LHX6: variants seen among roughly 807,000 people sequenced by gnomAD.
LHX6 encodes the protein LIM/homeobox protein Lhx6.
In LHX6, 15 loss-of-function variants were observed where a neutral mutation model predicts 47.1. The observed-to-expected ratio is 0.32, with a 90% CI of 0.21 to 0.49. The LOEUF is 0.49. Ranked by LOEUF, LHX6 falls within the 20% of genes least tolerant of loss-of-function variation. LHX6 has a pLI of 0.99. For synonymous variants in LHX6, 242 were observed against 233.5 expected (o/e 1.04, Z -0.33); for missense variants, 404 against 539.6 (o/e 0.75, Z 2.49).
At chr9:122,216,924 C>CCGGAA (rs1830613351) in intron 5 of LHX6, 144 bp downstream of exon 5, 1 of 658,364 alleles carries the variant, frequency 1.5e-6, no homozygotes, top group South Asian at 1.9e-5. Context: ...AAGATCTGTT[C>CCGGAA]GCCGCCCCAC....
chr9:122,205,664 A>C (rs1830149303), intron 9 of LHX6, among the ~76,000 whole-genome samples: 1 of 152,156 alleles, frequency 6.6e-6, no homozygotes, highest in Non-Finnish European at 1.5e-5. Context: ...GAGGTGATGG[A>C]GGAAAGCAAT....
rs1021478443 is a variant in LHX6, at chr9:122,217,335, C to T, written c.462-47G>A. 8.0e-6 allele frequency: 12 copies of T among 1,495,750 alleles called. No individual in the cohort carries two copies. In the African/African-American group the frequency reaches 8.2e-5, roughly 10 times the overall value. The allele number at this position is 1,495,750 out of a possible 1,614,324, so 92.7% of individuals were successfully genotyped here. On this transcript the variant is annotated intron_variant, in intron 4 of 9. Transcript: ENST00000394319. This position sits in a 1 kb window ranked among gnomAD's most constrained non-coding sequence, Gnocchi z 4.9. ...ACGGGGTGTCGAGACTCAGACAGGC[C>T]AACCTTCCTCCTTCCACCACCCAAT...
At chr9:122,221,872 G>A (rs1300655536) in intron 4 of LHX6, 2 of 235,624 alleles carry the variant, frequency 8.5e-6, no homozygotes, top group African/African-American at 2.3e-5. Flanking sequence ...TTAGGGGCAG[G>A]GATGGCGGAG....
intron 4 of LHX6, among the ~76,000 whole-genome samples, chr9:122,225,414 C>A (rs1179047306): frequency 3.3e-5 from 5 of 152,270 alleles, no homozygotes; most frequent in African/African-American, 4.8e-5. Flanking sequence ...CATGACCCTG[C>A]AGTGACCTCG....
chr9:122,219,373 G>A (rs886806971), intron 4 of LHX6, among the ~76,000 whole-genome samples: 3 of 152,210 alleles, frequency 2.0e-5, no homozygotes, highest in African/African-American at 7.2e-5. Flanking sequence ...CGGAAACGCG[G>A]CTTCCCCAGC....
intron 8 of LHX6, among the ~76,000 whole-genome samples, 187 bp from the exon 9 acceptor site, chr9:122,209,904 C>T (rs1366378215): frequency 1.3e-5 from 2 of 151,310 alleles, no homozygotes; most frequent in Non-Finnish European, 1.5e-5. Flanking sequence ...GAGACGGAGT[C>T]TCACCTTGTC....
intron 4 of LHX6, chr9:122,221,120 G>C (rs903696289): frequency 1.0e-6 from 1 of 985,332 alleles, no homozygotes; most frequent in African/African-American, 1.7e-5. Flanking sequence ...CTTCTTGAAG[G>C]CTTTAGATCC....
chr9:122,228,627 G>T, intron 1 of LHX6, 30 bp downstream of exon 1: 2 of 1,305,114 alleles, frequency 1.5e-6, no homozygotes, highest in Non-Finnish European at 1.9e-6. Context: ...CCCCGGCCCG[G>T]GCCGCTCACC....
At chr9:122,228,499 G>A (rs1402602720) in intron 1 of LHX6, 158 bp downstream of exon 1, 17 of 1,135,448 alleles carry the variant, frequency 1.5e-5, no homozygotes, top group Non-Finnish European at 1.9e-5. Flanking sequence ...CCCCCCCCCC[G>A]CTCGCGCGCG....
At chr9:122,222,286 A>T (rs1830894646) in intron 4 of LHX6, among the ~76,000 whole-genome samples, 1 of 152,178 alleles carries the variant, frequency 6.6e-6, no homozygotes, top group Non-Finnish European at 1.5e-5. Context: ...GGGAAATGTG[A>T]ATGTCCCGGA....
At chr9:122,222,079 C>A (rs1440728139) in intron 4 of LHX6, among the ~76,000 whole-genome samples, 3 of 152,214 alleles carry the variant, frequency 2.0e-5, no homozygotes, top group Non-Finnish European at 2.9e-5. Context: ...TAGACAAGAA[C>A]TCCATACGTT....
intron 4 of LHX6, chr9:122,221,440 T>C: frequency 1.0e-6 from 1 of 985,362 alleles, no homozygotes. Flanking sequence ...GGTAGGCTTC[T>C]CCCGCTGGAG....
At chr9:122,225,490 G>A (rs553065221) in intron 4 of LHX6, among the ~76,000 whole-genome samples, 4 of 152,372 alleles carry the variant, frequency 2.6e-5, no homozygotes, top group East Asian at 1.9e-4. Flanking sequence ...TGGCCAAGAC[G>A]CGGCAGGACA....
At chr9:122,222,147 T>A (rs1190265243) in intron 4 of LHX6, among the ~76,000 whole-genome samples, 5 of 152,156 alleles carry the variant, frequency 3.3e-5, no homozygotes, top group Non-Finnish European at 5.9e-5. Context: ...GACATTAGTC[T>A]CCCCAACTAT....
rs576733344 is a variant in LHX6, at chr9:122,217,476, T to G, written c.462-188A>C. 2.9e-4 allele frequency among the ~76,000 whole-genome samples: 44 copies of G among 152,354 alleles called. 1 individual carries two copies. Among genetic ancestry groups the G allele is most frequent in the South Asian group, 1.0e-3 (5 of 4,822 alleles). ...ACCTAGGAGATGAACTGGTGGGTGA[T>G]TTTTATTTTCTTCTTGGTGTTTTTC... On this transcript the variant is annotated intron_variant, in intron 4 of 9. Coordinates refer to ENST00000394319, the MANE Select transcript of LHX6 (RefSeq NM_014368.5). This position sits in a 1 kb window ranked among gnomAD's most constrained non-coding sequence, Gnocchi z 4.9.
At chr9:122,220,510 G>A (rs1830803486) in intron 4 of LHX6, among the ~76,000 whole-genome samples, 2 of 152,230 alleles carry the variant, frequency 1.3e-5, no homozygotes, top group South Asian at 4.1e-4. Flanking sequence ...CTGCGAGGCC[G>A]GAGCCACTGG....
chr9:122,228,672 G>T lies in LHX6; in HGVS notation c.69C>A (p.Gly23=). The change falls in exon 1 of 10, where the codon GGC becomes GGA. Residue 23 remains glycine, a synonymous_variant. Coordinates refer to ENST00000394319, the MANE Select transcript of LHX6 (RefSeq NM_014368.5). ...GCCGGCTCACCTGGTCGGTGGCGGG[G>T]CCGCCCTCGGCCGGCAGCCGGCAGC... ...PEGCRLPAEG[G]PATDQVMAQP... is the part of the protein sequence containing the mutation. 1 of 1,288,124 alleles carries T rather than the reference G, an allele frequency of 7.8e-7. No individual in the cohort carries two copies. The highest frequency in any genetic ancestry group is 2.6e-5 in the South Asian group (1 of 38,054). 79.8% of individuals were successfully genotyped at this position (1,288,124 alleles called of 1,614,324 possible).
In LHX6 at chr9:122,226,611, G is replaced by A; in HGVS notation, c.340-114C>T. 1 of 1,443,300 alleles carries A rather than the reference G, an allele frequency of 6.9e-7. No homozygotes were observed. 89.4% of individuals were successfully genotyped at this position (1,443,300 alleles called of 1,614,324 possible). ...GCGCTGAAGCTCAGAAGGTGCATGC[G>A]ATTCCCCTATTTTTCTCCCGTAATA... On this transcript the variant is annotated intron_variant, in intron 3 of 9. Coordinates refer to ENST00000394319, the MANE Select transcript of LHX6 (RefSeq NM_014368.5). The surrounding 1 kb of genome is among the most constrained non-coding windows in gnomAD (Gnocchi z 6.5).
intron 9 of LHX6, 127 bp downstream of exon 9, chr9:122,209,487 A>C: frequency 7.0e-7 from 1 of 1,428,460 alleles, no homozygotes; most frequent in Non-Finnish European, 9.5e-7. Context: ...TGGGGGTCTC[A>C]GCAGGCCGGG....
Sources: gnomAD v4.1 joint callset for allele counts (sites outside exome capture counted in the v4.1 genomes callset) on GRCh38, gnomAD v4.1.1 for gene constraint, Gnocchi (gnomAD v3.1) non-coding constraint, MANE v1.5 for transcripts, NCBI Gene and HGNC (gene_info 2026-07-23, HGNC 2026-07-21) for gene names.